TAB2: variants seen among roughly 807,000 people sequenced by gnomAD.
The protein encoded by TAB2 is TGF-beta activated kinase 1 (MAP3K7) binding protein 2, also known as TGF-beta-activated kinase 1 and MAP3K7-binding protein 2.
A neutral mutation model predicts 65.0 loss-of-function variants in TAB2; 3 were observed. The ratio of observed to expected loss-of-function variants is 0.05; its 90% CI spans 0.02 to 0.12. The LOEUF is 0.12. Among genes scored for constraint, TAB2 ranks in the 10% least tolerant of loss-of-function variants. The pLI is 1.00. For missense variants in TAB2, 623 were observed against 840.3 expected (o/e 0.74, Z 3.20); for synonymous variants, 298 against 285.1 (o/e 1.05, Z -0.46).
chr6:149,388,644 A>C (rs1781878854), intron 3 of TAB2, among the ~76,000 whole-genome samples: 1 of 152,194 alleles, frequency 6.6e-6, no homozygotes. Flanking sequence ...TAGGTTATTT[A>C]AATTTTCATC....
intron 1 of TAB2, chr6:149,346,448 CTTTTTTTT>C: frequency 1.8e-5 from 2 of 113,412 alleles, no homozygotes; most frequent in South Asian, 2.8e-4. Flanking sequence ...GTTGGTGAAA[CTTTTTTTT>C]TTTTTTTTTT....
chr6:149,369,149 A>G (rs1167065143), intron 1 of TAB2, among the ~76,000 whole-genome samples: 1 of 152,176 alleles, frequency 6.6e-6, no homozygotes, highest in Non-Finnish European at 1.5e-5. Flanking sequence ...AGGTTAATGT[A>G]CTTATCTCCT....
intron 1 of TAB2, among the ~76,000 whole-genome samples, chr6:149,250,947 G>C (rs1400061517): frequency 6.6e-6 from 1 of 152,040 alleles, no homozygotes; most frequent in Non-Finnish European, 1.5e-5. Flanking sequence ...TGTTTTCTCC[G>C]AAACCTCGCT....
intron 1 of TAB2, among the ~76,000 whole-genome samples, chr6:149,303,300 A>T (rs1407784418): frequency 6.6e-6 from 1 of 152,176 alleles, no homozygotes; most frequent in Admixed American, 6.5e-5. Flanking sequence ...CATCCTTTCC[A>T]CTGTCCCATA....
chr6:149,293,060 ATG>A (rs1158675672), intron 1 of TAB2, among the ~76,000 whole-genome samples: 3 of 122,540 alleles, frequency 2.4e-5, no homozygotes, highest in Admixed American at 7.3e-5. Context: ...GAAAACAACC[ATG>A]AGAGAACTCC....
chr6:149,316,736 T>G (rs1779261795), upstream of TAB2, among the ~76,000 whole-genome samples: 1 of 152,164 alleles, frequency 6.6e-6, no homozygotes, highest in African/African-American at 2.4e-5. Context: ...CTTCTAGGAC[T>G]TCTAGGAACG....
intron 6 of TAB2, among the ~76,000 whole-genome samples, chr6:149,403,761 G>T (rs138155002): frequency 6.6e-6 from 1 of 152,072 alleles, no homozygotes; most frequent in East Asian, 1.9e-4. Context: ...ATGTCATATG[G>T]TGAGCGAGAC....
chr6:149,324,852 A>G (rs990285304), intron 1 of TAB2, among the ~76,000 whole-genome samples: 2 of 138,848 alleles, frequency 1.4e-5, no homozygotes, highest in African/African-American at 2.8e-5. Context: ...TTTGGAGTGC[A>G]GTGACACAAT....
intron 1 of TAB2, among the ~76,000 whole-genome samples, chr6:149,258,455 T>C (rs3223473): frequency 7.8e-6 from 1 of 127,844 alleles, no homozygotes; most frequent in Non-Finnish European, 1.7e-5. Context: ...ACACACACAC[T>C]TCTCACATAA....
intron 3 of TAB2, among the ~76,000 whole-genome samples, chr6:149,390,382 C>A (rs1781943045): frequency 1.3e-5 from 2 of 152,118 alleles, no homozygotes; most frequent in South Asian, 4.1e-4. Context: ...AGCCTAAAAT[C>A]TTTGTATCTA....
intron 1 of TAB2, among the ~76,000 whole-genome samples, chr6:149,295,087 A>G (rs1778851214): frequency 6.6e-6 from 1 of 152,202 alleles, no homozygotes; most frequent in African/African-American, 2.4e-5. Context: ...ACGCAGTTGA[A>G]TAGAGTTTTC....
chr6:149,251,365 T>A (rs1005461141), intron 1 of TAB2, among the ~76,000 whole-genome samples: 1 of 152,092 alleles, frequency 6.6e-6, no homozygotes, highest in Non-Finnish European at 1.5e-5. Flanking sequence ...GGAAAGGTGG[T>A]CATCACCCCA....
intron 1 of TAB2, among the ~76,000 whole-genome samples, chr6:149,287,493 T>TAAAAAAAAAA (rs201156738): frequency 4.0e-5 from 6 of 150,670 alleles, no homozygotes; most frequent in African/African-American, 1.5e-4. Context: ...TTTTTTTTTT[T>TAAAAAAAAAA]AAAAAGAAAG....
At chr6:149,403,243 AAAAAATATATATATATATATATAT>A (rs1482096213) in intron 6 of TAB2, among the ~76,000 whole-genome samples, 1 of 48,958 alleles carries the variant, frequency 2.0e-5, no homozygotes, top group Admixed American at 2.8e-4. Flanking sequence ...CTAAAAAAAA[AAAAAATATATATATATATATATAT>A]ATATATATAT....
chr6:149,303,488 A>C (rs568054), intron 1 of TAB2, among the ~76,000 whole-genome samples: 1 of 151,982 alleles, frequency 6.6e-6, no homozygotes, highest in African/African-American at 2.4e-5. Context: ...GTGTGTTCAC[A>C]TTATGTATTT....
At chr6:149,231,188 A>C (rs2114632740) in intron 1 of TAB2, among the ~76,000 whole-genome samples, 1 of 152,362 alleles carries the variant, frequency 6.6e-6, no homozygotes, top group Middle Eastern at 3.4e-3. Context: ...TATTTGGGGA[A>C]CATTAGGAAG....
chr6:149,279,956 C>G (rs142222339), intron 1 of TAB2, among the ~76,000 whole-genome samples: 586 of 152,348 alleles, frequency 3.8e-3, no homozygotes, highest in Non-Finnish European at 5.9e-3. Context: ...GCCTGCCTTT[C>G]TTTGCTTACT....
upstream of TAB2, among the ~76,000 whole-genome samples, chr6:149,314,074 T>C (rs1166624970): frequency 3.3e-5 from 5 of 152,242 alleles, no homozygotes; most frequent in Non-Finnish European, 5.9e-5. Flanking sequence ...TATGCTACTT[T>C]GGAATTTCCA....
intron 1 of TAB2, among the ~76,000 whole-genome samples, chr6:149,368,655 G>A (rs1781119333): frequency 6.6e-6 from 1 of 151,392 alleles, no homozygotes. Context: ...TTGTGTGTGT[G>A]TGTGTGTGTG....
Sources: allele counts gnomAD v4.1 joint callset (sites outside exome capture counted in the v4.1 genomes callset), GRCh38; gene constraint gnomAD v4.1.1; transcripts MANE v1.5; gene names NCBI Gene and HGNC (gene_info 2026-07-23, HGNC 2026-07-21).